Variants in COL4A4 observed in about 807,000 individuals in gnomAD.
COL4A4 encodes collagen type IV alpha 4 chain.
A neutral mutation model predicts 192.9 loss-of-function variants in COL4A4; 105 were observed. The ratio of observed to expected loss-of-function variants is 0.54; its 90% CI spans 0.46 to 0.64. COL4A4 has a LOEUF of 0.64. COL4A4 is among the 30% of genes least tolerant of loss of function. The probability of loss-of-function intolerance (pLI) is 0.00; values close to 1 mark genes in which losing one functional copy is unlikely to be tolerated. For missense variants in COL4A4, 1,967 were observed against 2,169.3 expected, an observed-to-expected ratio of 0.91 and a Z score of 1.85; for synonymous variants, 762 against 769.9, an observed-to-expected ratio of 0.99 and a Z score of 0.17.
intron 6 of COL4A4, among the ~76,000 whole-genome samples, chr2:227,119,624 C>T (rs1159931301): frequency 2.0e-5 from 3 of 148,176 alleles, no homozygotes; most frequent in Non-Finnish European, 4.5e-5. Context: ...AAAGTAACAG[C>T]AAAAACCGCA....
At chr2:227,057,404 T>G in intron 29 of COL4A4, 35 bp downstream of exon 29, 1 of 1,572,354 alleles carries the variant, frequency 6.4e-7, no homozygotes, top group Non-Finnish European at 8.6e-7. Context: ...GTAAGTAGGG[T>G]AAGCCCCAGA....
chr2:227,060,104 A>AAAAAAAAAAAAAAAAAAAAT, intron 27 of COL4A4, 32 bp downstream of exon 27: 1 of 939,380 alleles, frequency 1.1e-6, no homozygotes, highest in Non-Finnish European at 1.6e-6. Context: ...CAAAGCAGAA[A>AAAAAAAAAAAAAAAAAAAAT]AAAAAAAAAA....
At chr2:227,111,841 T>G (rs1576596686) in intron 8 of COL4A4, 128 bp from the exon 9 acceptor site, 3 of 933,226 alleles carry the variant, frequency 3.2e-6, no homozygotes, top group Non-Finnish European at 5.1e-6. Flanking sequence ...TTTTTTGGTG[T>G]TGACTAAAAT....
intron 31 of COL4A4, among the ~76,000 whole-genome samples, chr2:227,053,491 C>T (rs1974576246): frequency 6.6e-6 from 1 of 151,338 alleles, no homozygotes; most frequent in South Asian, 2.1e-4. Context: ...ATATTTAAAC[C>T]ATTGGTCTCA....
chr2:227,116,230 T>C (rs563201184), intron 7 of COL4A4, among the ~76,000 whole-genome samples: 2 of 152,340 alleles, frequency 1.3e-5, no homozygotes, highest in South Asian at 2.1e-4. Flanking sequence ...CTGGATGCCA[T>C]GATCTGGTGT....
the COL4A4 span, among the ~76,000 whole-genome samples, chr2:226,995,021 A>G: frequency 6.6e-6 from 1 of 152,130 alleles, no homozygotes; most frequent in Non-Finnish European, 1.5e-5. Context: ...GGAGCACCCA[A>G]AGGCTGATCA....
chr2:227,110,091 T>G (rs1018834703), intron 9 of COL4A4, among the ~76,000 whole-genome samples: 2 of 152,204 alleles, frequency 1.3e-5, no homozygotes, highest in African/African-American at 4.8e-5. Flanking sequence ...ATACAAAATT[T>G]TCTACAACAT....
chr2:227,028,026 A>C lies in COL4A4; in HGVS notation c.3974-17T>G. ...CCACTGGTCCTTAAAAAAAAACAAA[A>C]CATAAAAATGAGGGCACTGGAATGA... is the stretch of plus-strand genomic sequence containing the variant. On this transcript the variant is annotated splice_polypyrimidine_tract_variant and intron_variant, in intron 41 of 47. Coordinates refer to ENST00000396625, the MANE Select transcript of COL4A4 (RefSeq NM_000092.5). 1 of 1,527,920 alleles carries C rather than the reference A, an allele frequency of 6.5e-7. No individual in the cohort carries two copies. 94.6% of individuals were successfully genotyped at this position (1,527,920 alleles called of 1,614,324 possible). A position where few individuals can be genotyped will look rare whatever the true frequency, so the allele number is the denominator to read the frequency against.
the COL4A4 span, among the ~76,000 whole-genome samples, chr2:226,992,046 T>C: frequency 1.3e-5 from 2 of 152,108 alleles, no homozygotes; most frequent in Non-Finnish European, 2.9e-5. Flanking sequence ...TGAGTACATA[T>C]CAGAAACACA....
chr2:227,007,967 GGT>G, intron 47 of COL4A4, 49 bp downstream of exon 47: 1 of 1,588,350 alleles, frequency 6.3e-7, no homozygotes, highest in Non-Finnish European at 8.5e-7. Context: ...GGCGGGAGAA[GGT>G]GTTAGGAAAT....
intron 30 of COL4A4, 22 bp downstream of exon 30, chr2:227,055,923 T>C (rs967398844): frequency 2.5e-6 from 4 of 1,606,426 alleles, no homozygotes; most frequent in Admixed American, 3.4e-5. Context: ...TGGGAGGACA[T>C]CATGGAAAAA....
chr2:227,124,854 C>T (rs1294729783), intron 4 of COL4A4, among the ~76,000 whole-genome samples: 1 of 152,180 alleles, frequency 6.6e-6, no homozygotes, highest in African/African-American at 2.4e-5. Context: ...AATACTTTTT[C>T]ATTAAGTTTG....
intron 1 of COL4A4, among the ~76,000 whole-genome samples, chr2:227,159,939 A>G (rs1009610422): frequency 5.9e-5 from 9 of 152,208 alleles, no homozygotes; most frequent in African/African-American, 2.2e-4. Context: ...AAATCACCAC[A>G]TATTATTTCT....
chr2:227,094,274 G>A lies in COL4A4; in HGVS notation c.1220C>T (p.Pro407Leu), dbSNP rs1408599134. 6.2e-7 allele frequency: 1 copy of A among 1,613,668 alleles called. No homozygotes were observed. The highest frequency in any genetic ancestry group is 1.1e-5 in the South Asian group (1 of 91,058). The change falls in exon 20 of 48, where the codon CCT becomes CTT. Residue 407 changes from proline to leucine, a missense_variant. Physicochemically the swap from Pro to Leu is moderately conservative, Grantham distance 98. Transcript: ENST00000396625. ...GEACAGMIGP[P>L]GPQGFPGLPG... ...AAGACCAGGAAATCCTTGTGGCCCA[G>A]GGGGTCCTATCATGCCTGCAAGATA...
intron 4 of COL4A4, among the ~76,000 whole-genome samples, chr2:227,136,010 T>G (rs2062790373): frequency 6.6e-6 from 1 of 150,976 alleles, no homozygotes; most frequent in Non-Finnish European, 1.5e-5. Context: ...TGTGATAATC[T>G]CAAAGTACAA....
chr2:227,012,320 G>A, intron 44 of COL4A4, 23 bp from the exon 45 acceptor site: 2 of 1,580,744 alleles, frequency 1.3e-6, no homozygotes, highest in Non-Finnish European at 1.7e-6. Context: ...TTATGATGCT[G>A]GTGGTGAAAG....
chr2:227,017,431 C>T (rs1965131335), intron 44 of COL4A4, among the ~76,000 whole-genome samples: 1 of 152,186 alleles, frequency 6.6e-6, no homozygotes, highest in Non-Finnish European at 1.5e-5. Flanking sequence ...ACAAACCCTC[C>T]AGTGTTAGAT....
At chr2:227,101,969 A>C in intron 15 of COL4A4, 60 bp from the exon 16 acceptor site, 27 of 1,251,720 alleles carry the variant, frequency 2.2e-5, no homozygotes, top group Non-Finnish European at 2.9e-5. Flanking sequence ...TAACCAGCTC[A>C]GTGCATCATT....
At chr2:227,159,054 A>C (rs1207372377) in intron 1 of COL4A4, among the ~76,000 whole-genome samples, 1 of 152,204 alleles carries the variant, frequency 6.6e-6, no homozygotes, top group African/African-American at 2.4e-5. Context: ...AACTGGAAAC[A>C]ATCCAAATTC....
Sources: allele counts gnomAD v4.1 joint callset (sites outside exome capture counted in the v4.1 genomes callset), GRCh38; gene constraint gnomAD v4.1.1; transcripts MANE v1.5; gene names NCBI Gene and HGNC (gene_info 2026-07-23, HGNC 2026-07-21).